ZNF618: variants seen among roughly 807,000 people sequenced by gnomAD.
ZNF618 encodes the protein neural precursor cell expressed, developmentally down-regulated 10.
Under a neutral mutation model 103.0 loss-of-function variants are expected in ZNF618, and 34 were observed. The ratio of observed to expected loss-of-function variants is 0.33; its 90% CI spans 0.25 to 0.44. The LOEUF (loss-of-function observed/expected upper bound fraction) is 0.44. ZNF618 is among the 20% of genes least tolerant of loss of function. ZNF618 has a pLI of 1.00. For missense variants in ZNF618, 1,059 were observed against 1,295.4 expected (o/e 0.82, Z 2.80); for synonymous variants, 551 against 542.2 (o/e 1.02, Z -0.23).
chr9:113,988,590 C>A lies in ZNF618; in HGVS notation c.337+10C>A, dbSNP rs775381447. 1 of 1,599,384 alleles carries A rather than the reference C, an allele frequency of 6.3e-7. No individual in the cohort carries two copies. The highest frequency in any genetic ancestry group is 8.5e-7 in the Non-Finnish European group (1 of 1,175,526). ...AACCAGCAGACCCTTGGTGAGTGCC[C>A]AGCGTCTGTGGTCAGGGTGGAGACC... is the stretch of plus-strand genomic sequence containing the variant. On this transcript the variant is annotated intron_variant, in intron 3 of 14. Transcript: ENST00000374126.
chr9:113,886,388 G>T (rs985245547), intron 1 of ZNF618, among the ~76,000 whole-genome samples: 6 of 152,098 alleles, frequency 3.9e-5, no homozygotes, highest in Non-Finnish European at 8.8e-5. Context: ...GTTTTATTTT[G>T]GACTCAGAGT....
At chr9:113,937,184 C>T (rs1834102585) in intron 1 of ZNF618, among the ~76,000 whole-genome samples, 1 of 152,176 alleles carries the variant, frequency 6.6e-6, no homozygotes, top group Non-Finnish European at 1.5e-5. Context: ...TACCCACCTG[C>T]CCTTCACCCA....
chr9:114,015,942 A>G (rs1289029938), intron 9 of ZNF618, among the ~76,000 whole-genome samples: 1 of 152,262 alleles, frequency 6.6e-6, no homozygotes, highest in East Asian at 1.9e-4. Flanking sequence ...GACAGGTGTT[A>G]TCAGTGAGAG....
At chr9:113,994,714 A>AT (rs1323515871) in intron 3 of ZNF618, among the ~76,000 whole-genome samples, 1 of 152,202 alleles carries the variant, frequency 6.6e-6, no homozygotes, top group African/African-American at 2.4e-5. Context: ...TACCACTGCT[A>AT]TTAGCTGGAA....
chr9:113,979,970 G>C (rs1373988531), intron 2 of ZNF618, among the ~76,000 whole-genome samples: 1 of 152,164 alleles, frequency 6.6e-6, no homozygotes, highest in Admixed American at 6.5e-5. Flanking sequence ...ATGTTTACAA[G>C]ACAGGAGAAA....
intron 13 of ZNF618, among the ~76,000 whole-genome samples, chr9:114,039,052 G>A (rs1588433892): frequency 6.6e-6 from 1 of 152,294 alleles, no homozygotes; most frequent in African/African-American, 2.4e-5. Flanking sequence ...CCAAGGCTAT[G>A]CAGTCACTGT....
chr9:113,992,760 A>G (rs1407919963), intron 3 of ZNF618, among the ~76,000 whole-genome samples: 1 of 152,240 alleles, frequency 6.6e-6, no homozygotes, highest in Non-Finnish European at 1.5e-5. Context: ...AACATCATCC[A>G]AGGCACTTCC....
intron 3 of ZNF618, among the ~76,000 whole-genome samples, chr9:113,988,873 T>C (rs1024019335): frequency 6.6e-6 from 1 of 152,214 alleles, no homozygotes; most frequent in African/African-American, 2.4e-5. Flanking sequence ...TCCCTTTGTC[T>C]GTCTCAGGGC....
chr9:113,903,646 G>A (rs1417542772), intron 1 of ZNF618, among the ~76,000 whole-genome samples: 3 of 151,968 alleles, frequency 2.0e-5, no homozygotes, highest in African/African-American at 2.4e-5. Flanking sequence ...GGTTTTGTAC[G>A]TCTTTATTTT....
intron 3 of ZNF618, among the ~76,000 whole-genome samples, chr9:113,989,703 G>A (rs1023733082): frequency 2.0e-5 from 3 of 152,198 alleles, no homozygotes; most frequent in East Asian, 1.9e-4. Context: ...TCCTGTATGC[G>A]GCACCATGGC....
At chr9:114,042,173 G>C (rs1845252195) in intron 13 of ZNF618, among the ~76,000 whole-genome samples, 4 of 152,196 alleles carry the variant, frequency 2.6e-5, no homozygotes, top group Admixed American at 2.0e-4. Context: ...AAAATGCAGA[G>C]AGGTTAGAAA....
chr9:113,941,313 C>A (rs942729564), intron 1 of ZNF618, among the ~76,000 whole-genome samples: 8 of 152,034 alleles, frequency 5.3e-5, no homozygotes, highest in Non-Finnish European at 1.2e-4. Context: ...CTTAAAACTT[C>A]TTTTTCTGCA....
At chr9:114,031,567 A>G (rs937531474) in intron 11 of ZNF618, among the ~76,000 whole-genome samples, 12 of 152,170 alleles carry the variant, frequency 7.9e-5, no homozygotes, top group African/African-American at 2.9e-4. Flanking sequence ...TGAGAGTGGC[A>G]TTTCCCAAAG....
At chr9:113,891,967 G>A (rs755584918) in intron 1 of ZNF618, among the ~76,000 whole-genome samples, 1 of 152,138 alleles carries the variant, frequency 6.6e-6, no homozygotes, top group Non-Finnish European at 1.5e-5. Flanking sequence ...GTGAAATAAG[G>A]TGGTCACAAA....
rs1251075812 is a variant in ZNF618 at position 113,876,407 on chromosome 9, T to C, written c.27T>C (p.Ala9=). 9.2e-6 allele frequency: 11 copies of C among 1,200,870 alleles called. No individual in the cohort carries two copies. The highest frequency in any genetic ancestry group is 1.1e-5 in the Non-Finnish European group (11 of 968,770). 74.4% of individuals were successfully genotyped at this position (1,200,870 alleles called of 1,614,324 possible). A position where few individuals can be genotyped will look rare whatever the true frequency, so the allele number is the denominator to read the frequency against. The change falls in exon 1 of 15, where the codon GCT becomes GCC. Residue 9 remains alanine (A), a synonymous_variant. Transcript: ENST00000374126. MNQPGGAA[A]PQADGASAAG... is the part of the protein sequence containing the mutation. ...TGAACCAGCCGGGCGGCGCGGCGGCTCCGCAGGTACGACGGGGGGCCGGGG... is the reference window on the plus strand; with the variant it reads ...TGAACCAGCCGGGCGGCGCGGCGGCCCCGCAGGTACGACGGGGGGCCGGGG...
chr9:113,951,501 A>ACACATATGTGTGTGTG (rs1456303079), intron 1 of ZNF618, among the ~76,000 whole-genome samples: 4 of 70,856 alleles, frequency 5.6e-5, no homozygotes, highest in East Asian at 1.7e-3. Flanking sequence ...GTGTATGTGT[A>ACACATATGTGTGTGTG]CACATATATG....
At position 113,998,262 on chromosome 9, in the gene ZNF618, G is replaced by A. The variant is rs1271400367; in HGVS notation, c.341G>A (p.Gly114Glu). Residue 114 changes from glycine to glutamate, a missense_variant, in exon 4 of 15, where the codon GGA (glycine) becomes GAA (glutamate). Gly to Glu is a moderately conservative substitution (Grantham distance 98). Coordinates refer to ENST00000374126, the MANE Select transcript of ZNF618 (RefSeq NM_001318042.2). ...GGVRNQQTLD[G>E]KAPEGSPHGG... ...TCTGATTTCTTACGTAATTCAGATG[G>A]AAAAGCGCCCGAAGGCAGCCCCCAC... is the stretch of plus-strand genomic sequence containing the variant. The A allele has an allele frequency of 6.4e-7, 1 of 1,550,556 alleles. No individual in the cohort carries two copies. Among genetic ancestry groups the A allele is most frequent in the Middle Eastern group, 1.7e-4 (1 of 5,984 alleles).
intron 6 of ZNF618, among the ~76,000 whole-genome samples, chr9:114,004,478 G>A (rs1330858016): frequency 6.6e-6 from 1 of 152,206 alleles, no homozygotes; most frequent in Non-Finnish European, 1.5e-5. Flanking sequence ...GCTATTCTGG[G>A]CCCCTGGCCT....
Position 113,974,738 on chromosome 9 carries a change from C to T in ZNF618, c.77+5578C>T, listed in dbSNP as rs187888073. Among the ~76,000 whole-genome samples, 125 of 152,232 alleles carry T rather than the reference C, an allele frequency of 8.2e-4. 4 individuals carry two copies. The South Asian group carries it at 0.025, about 31-fold the overall frequency. ...CTGTGGTCCCCATTCTCCATGCCCC[C>T]CTGCACCCCCTGCCTGGTCTGTCAG... On this transcript the variant is annotated intron_variant, in intron 2 of 14. Transcript: ENST00000374126.
Sources: gnomAD v4.1 joint callset for allele counts (sites outside exome capture counted in the v4.1 genomes callset) on GRCh38, gnomAD v4.1.1 for gene constraint, MANE v1.5 for transcripts, NCBI Gene and HGNC (gene_info 2026-07-23, HGNC 2026-07-21) for gene names.